Variants in WSCD2 observed in about 807,000 individuals in gnomAD.
WSCD2 encodes WSC domain sialate O sulfotransferase 2.
Under a neutral mutation model 55.7 loss-of-function variants are expected in WSCD2, and 28 were observed. The observed-to-expected ratio is 0.50, with a 90% CI of 0.37 to 0.69. The LOEUF (loss-of-function observed/expected upper bound fraction) is 0.69, where lower values mean the gene tolerates loss of function less well. Ranked by LOEUF, WSCD2 falls within the 30% of genes least tolerant of loss-of-function variation. WSCD2 has a pLI of 0.00. For missense variants in WSCD2, 616 were observed against 762.1 expected (o/e 0.81, Z 2.26); for synonymous variants, 301 against 301.9 (o/e 1.00, Z 0.03).
At chr12:108,213,787 C>T (rs1886507306) in intron 4 of WSCD2, among the ~76,000 whole-genome samples, 2 of 152,292 alleles carry the variant, frequency 1.3e-5, no homozygotes, top group Non-Finnish European at 2.9e-5. Context: ...GAACCCAGGT[C>T]CATGAATCCC....
Position 108,248,676 on chromosome 12 carries a change from A to G in WSCD2, c.*333A>G, listed in dbSNP as rs1432523345. On this transcript the variant is annotated 3_prime_UTR_variant, in exon 9 of 9. Transcript: ENST00000547525. This position sits in a 1 kb window ranked among gnomAD's most constrained non-coding sequence, Gnocchi z 4.3. The stretch of plus-strand genomic sequence containing the variant: ...GTGGGAGGGAGGGCTCATCCACATC[A>G]TGGAGACTTGCTGGATGCCCCATGG... The G allele has an allele frequency of 9.4e-7, 1 of 1,065,992 alleles. No homozygotes were observed. Among genetic ancestry groups the G allele is most frequent in the Non-Finnish European group, 1.1e-6 (1 of 878,738 alleles). The allele number at this position is 1,065,992 out of a possible 1,614,324, so 66.0% of individuals were successfully genotyped here. A position where few individuals can be genotyped will look rare whatever the true frequency, so the allele number is the denominator to read the frequency against.
intron 1 of WSCD2, among the ~76,000 whole-genome samples, chr12:108,185,125 C>T (rs1882290406): frequency 6.6e-6 from 1 of 152,192 alleles, no homozygotes; most frequent in Non-Finnish European, 1.5e-5. Flanking sequence ...TGAGCCCCAG[C>T]CAGAAAGAAA....
At chr12:108,155,074 G>T (rs1457808727) in intron 1 of WSCD2, among the ~76,000 whole-genome samples, 1 of 152,192 alleles carries the variant, frequency 6.6e-6, no homozygotes, top group African/African-American at 2.4e-5. Context: ...TTCTGGATCT[G>T]CTGTGACCTC....
chr12:108,200,808 G>A (rs1026127985), intron 2 of WSCD2, among the ~76,000 whole-genome samples: 2 of 152,160 alleles, frequency 1.3e-5, no homozygotes, highest in African/African-American at 4.8e-5. Context: ...GGTGAGCTTA[G>A]TATGTAGGAT....
chr12:108,232,140 G>C (rs1411455202), intron 6 of WSCD2, among the ~76,000 whole-genome samples: 1 of 152,178 alleles, frequency 6.6e-6, no homozygotes, highest in Non-Finnish European at 1.5e-5. Flanking sequence ...AGTTTGCAAA[G>C]GCCAACCATG....
At chr12:108,135,417 C>G in intron 1 of WSCD2, among the ~76,000 whole-genome samples, 1 of 152,356 alleles carries the variant, frequency 6.6e-6, no homozygotes, top group African/African-American at 2.4e-5. Context: ...CCTCACCTCA[C>G]TGGATTGTTG....
chr12:108,132,706 C>T lies in WSCD2; in HGVS notation c.-552+2780C>T, dbSNP rs537868029. Among the ~76,000 whole-genome samples the T allele has an allele frequency of 4.7e-4, 72 of 152,260 alleles. 1 individual carries two copies. Among genetic ancestry groups the T allele is most frequent in the Non-Finnish European group, 8.8e-4 (60 of 68,020 alleles). On this transcript the variant is annotated intron_variant, in intron 1 of 8. Coordinates refer to ENST00000547525, the MANE Select transcript of WSCD2 (RefSeq NM_014653.4). ...TCTAGGGGATCTGTGCAGAAATATCCGTGTTTAAGAAGCTATACTCTCTGC... is the reference window on the plus strand; with the variant it reads ...TCTAGGGGATCTGTGCAGAAATATCTGTGTTTAAGAAGCTATACTCTCTGC...
At chr12:108,186,574 C>T (rs73199535) in intron 1 of WSCD2, among the ~76,000 whole-genome samples, 2,324 of 152,286 alleles carry the variant, frequency 0.015, 20 homozygotes, top group Non-Finnish European at 0.025. Flanking sequence ...TTTGGCTTTT[C>T]CAGAATATCA....
intron 3 of WSCD2, among the ~76,000 whole-genome samples, chr12:108,209,876 T>TC (rs1430026713): frequency 1.5e-4 from 23 of 151,906 alleles, no homozygotes; most frequent in African/African-American, 5.6e-4. Context: ...TTATTTGGTG[T>TC]CCCCCTGTCT....
chr12:108,151,767 C>G (rs192638341), intron 1 of WSCD2, among the ~76,000 whole-genome samples: 9 of 152,358 alleles, frequency 5.9e-5, no homozygotes, highest in Admixed American at 3.3e-4. Context: ...AGTTCCCTCT[C>G]TCTCACCTCT....
intron 6 of WSCD2, among the ~76,000 whole-genome samples, chr12:108,231,275 T>A (rs917285162): frequency 1.3e-5 from 2 of 152,168 alleles, no homozygotes; most frequent in African/African-American, 4.8e-5. Flanking sequence ...CAGGCCTGGA[T>A]CTGGGATTCT....
intron 1 of WSCD2, among the ~76,000 whole-genome samples, chr12:108,135,493 TA>T (rs1379006392): frequency 6.6e-6 from 1 of 152,236 alleles, no homozygotes; most frequent in Non-Finnish European, 1.5e-5. Flanking sequence ...GAAGCCATAA[TA>T]AACAATAACT....
chr12:108,240,656 C>G, intron 8 of WSCD2, 112 bp downstream of exon 8: 2 of 1,261,778 alleles, frequency 1.6e-6, no homozygotes, highest in African/African-American at 1.5e-5. Context: ...ATGCCTCATG[C>G]GAGGAACCCT....
intron 8 of WSCD2, among the ~76,000 whole-genome samples, chr12:108,243,135 G>A (rs1889877012): frequency 1.3e-5 from 2 of 152,270 alleles, no homozygotes; most frequent in Admixed American, 6.5e-5. Context: ...TCCTGAATCA[G>A]TGGCATCAGC....
At chr12:108,146,979 T>A (rs933734333) in intron 1 of WSCD2, among the ~76,000 whole-genome samples, 3 of 152,210 alleles carry the variant, frequency 2.0e-5, no homozygotes, top group African/African-American at 7.2e-5. Context: ...ATTAAACAGA[T>A]AGTAATTGAG....
chr12:108,184,579 G>A (rs1882219070), intron 1 of WSCD2, among the ~76,000 whole-genome samples: 1 of 152,164 alleles, frequency 6.6e-6, no homozygotes, highest in African/African-American at 2.4e-5. Flanking sequence ...AACCTGCAGG[G>A]CAGGAACCAG....
chr12:108,176,108 G>T (rs1880825235), intron 1 of WSCD2, among the ~76,000 whole-genome samples: 1 of 152,118 alleles, frequency 6.6e-6, no homozygotes, highest in African/African-American at 2.4e-5. Context: ...CAAAGTGCTG[G>T]GATTACAGGC....
At chr12:108,211,630 C>CATATATATATATATAT (rs56944563) in intron 4 of WSCD2, among the ~76,000 whole-genome samples, 33 of 138,524 alleles carry the variant, frequency 2.4e-4, no homozygotes, top group African/African-American at 8.4e-4. Context: ...TTTCAAATCC[C>CATATATATATATATAT]ATATATATAT....
At chr12:108,150,681 T>TCTAAAGATTG (rs1877895862) in intron 1 of WSCD2, among the ~76,000 whole-genome samples, 1 of 152,120 alleles carries the variant, frequency 6.6e-6, no homozygotes, top group Non-Finnish European at 1.5e-5. Context: ...GTGCTCAGTG[T>TCTAAAGATTG]ATGCTTGGGA....
Sources: allele counts gnomAD v4.1 joint callset (sites outside exome capture counted in the v4.1 genomes callset), GRCh38; gene constraint gnomAD v4.1.1; non-coding constraint Gnocchi (gnomAD v3.1); transcripts MANE v1.5; gene names NCBI Gene and HGNC (gene_info 2026-07-23, HGNC 2026-07-21).